Variants in PSD3 observed in about 807,000 individuals in gnomAD.
The protein encoded by PSD3 is PH and SEC7 domain-containing protein 3.
In PSD3, 49 loss-of-function variants were observed where a neutral mutation model predicts 105.5. The observed-to-expected ratio is 0.46, with a 90% confidence interval of 0.37 to 0.59. The LOEUF (loss-of-function observed/expected upper bound fraction) is 0.59, where lower values mean the gene tolerates loss of function less well. Among genes scored for constraint, PSD3 ranks in the 20% least tolerant of loss-of-function variants. The probability of loss-of-function intolerance (pLI) is 0.00; values close to 1 mark genes in which losing one functional copy is unlikely to be tolerated. For missense variants in PSD3, 1,561 were observed against 1,263.8 expected (o/e 1.24, Z -3.57); for synonymous variants, 557 against 457.8 (o/e 1.22, Z -2.77).
At position 18,528,951 on chromosome 8, in the gene PSD3, G is replaced by C. The variant is rs941796494; in HGVS notation, c.*6792C>G. On this transcript the variant is annotated 3_prime_UTR_variant, in exon 16 of 16. Transcript: ENST00000327040. ...TGATGGAAAAGTGCTCAACTGCTCA[G>C]CATGTTCAGTCGGAGCTCTCTTACC... The C allele has an allele frequency of 2.6e-5, 4 of 152,318 alleles. No individual in the cohort carries two copies. The highest frequency in any genetic ancestry group is 4.4e-5 in the Non-Finnish European group (3 of 68,046). The allele number at this position is 152,318 out of a possible 1,614,324, so 9.4% of individuals were successfully genotyped here. A position where few individuals can be genotyped will look rare whatever the true frequency, so the allele number is the denominator to read the frequency against.
At chr8:18,580,705 C>A (rs1431861205) in intron 12 of PSD3, among the ~76,000 whole-genome samples, 1 of 152,096 alleles carries the variant, frequency 6.6e-6, no homozygotes, top group African/African-American at 2.4e-5. Context: ...AGTAAATGTA[C>A]GTTTTAGATA....
At chr8:18,578,734 C>CAAAA (rs67557349) in intron 12 of PSD3, among the ~76,000 whole-genome samples, 13 of 145,510 alleles carry the variant, frequency 8.9e-5, no homozygotes, top group African/African-American at 2.8e-4. Flanking sequence ...CTTAAAAATG[C>CAAAA]AAAAAAAAAA....
At chr8:18,659,696 G>A (rs1377936765) in intron 9 of PSD3, among the ~76,000 whole-genome samples, 1 of 152,180 alleles carries the variant, frequency 6.6e-6, no homozygotes, top group East Asian at 1.9e-4. Context: ...GCTTTAAAGA[G>A]CCACCGTTGC....
At chr8:18,656,763 C>T (rs1330190549) in intron 9 of PSD3, among the ~76,000 whole-genome samples, 1 of 152,006 alleles carries the variant, frequency 6.6e-6, no homozygotes, top group Non-Finnish European at 1.5e-5. Flanking sequence ...GGCTGCAGTG[C>T]AGCGACTATT....
chr8:18,701,599 C>T (rs368853500), intron 9 of PSD3, among the ~76,000 whole-genome samples: 1 of 152,246 alleles, frequency 6.6e-6, no homozygotes, highest in African/African-American at 2.4e-5. Context: ...GTGAAGTCTT[C>T]CATTGTTGAA....
At chr8:18,649,777 G>C (rs1808335231) in intron 10 of PSD3, among the ~76,000 whole-genome samples, 1 of 152,176 alleles carries the variant, frequency 6.6e-6, no homozygotes, top group Non-Finnish European at 1.5e-5. Flanking sequence ...CCCCTTTGGT[G>C]CTGTTCTCAT....
At chr8:18,844,705 A>C (rs1814936188) in intron 4 of PSD3, among the ~76,000 whole-genome samples, 1 of 152,242 alleles carries the variant, frequency 6.6e-6, no homozygotes, top group Non-Finnish European at 1.5e-5. Context: ...AAATAAGATT[A>C]TTAGAAAAGT....
At chr8:19,051,211 C>A (rs866685796) in intron 1 of PSD3, among the ~76,000 whole-genome samples, 1 of 152,124 alleles carries the variant, frequency 6.6e-6, no homozygotes, top group Non-Finnish European at 1.5e-5. Flanking sequence ...TGGTCCCAAT[C>A]GGGGGATGCT....
chr8:18,626,831 G>GA (rs1262773948), intron 11 of PSD3, among the ~76,000 whole-genome samples: 6 of 152,104 alleles, frequency 3.9e-5, no homozygotes, highest in Admixed American at 1.3e-4. Context: ...GATTAGACGG[G>GA]AAGGAAACGA....
intron 1 of PSD3, among the ~76,000 whole-genome samples, chr8:18,952,994 T>G (rs936008445): frequency 6.6e-6 from 1 of 152,136 alleles, no homozygotes; most frequent in Non-Finnish European, 1.5e-5. Flanking sequence ...GCAACATATA[T>G]TTAAATATCT....
intron 6 of PSD3, among the ~76,000 whole-genome samples, chr8:18,803,783 A>G (rs1810948400): frequency 6.6e-6 from 1 of 150,436 alleles, no homozygotes; most frequent in Non-Finnish European, 1.5e-5. Context: ...AAGGAGGGGA[A>G]GGAAAAAAAA....
chr8:18,816,370 G>A (rs1812224673), intron 4 of PSD3, among the ~76,000 whole-genome samples: 1 of 152,192 alleles, frequency 6.6e-6, no homozygotes, highest in Non-Finnish European at 1.5e-5. Flanking sequence ...CCAGCAGGAG[G>A]TAAAGCTGGG....
intron 1 of PSD3, among the ~76,000 whole-genome samples, chr8:19,034,311 G>A (rs1827874137): frequency 6.6e-6 from 1 of 152,118 alleles, no homozygotes; most frequent in Admixed American, 6.6e-5. Flanking sequence ...AAAGGTTAAA[G>A]GATTAAACTA....
intron 9 of PSD3, among the ~76,000 whole-genome samples, chr8:18,702,796 T>C (rs1801666773): frequency 6.6e-6 from 1 of 151,944 alleles, no homozygotes; most frequent in African/African-American, 2.4e-5. Context: ...GCATTTTTAG[T>C]AGAGACAGGG....
chr8:18,592,576 G>T (rs1399263636), intron 12 of PSD3, among the ~76,000 whole-genome samples: 1 of 152,078 alleles, frequency 6.6e-6, no homozygotes, highest in Non-Finnish European at 1.5e-5. Flanking sequence ...AAAAGTCAAA[G>T]AAAAACAGAG....
intron 2 of PSD3, among the ~76,000 whole-genome samples, chr8:18,916,167 C>T (rs760310068): frequency 1.1e-4 from 17 of 151,274 alleles, no homozygotes; most frequent in Non-Finnish European, 2.4e-4. Context: ...GTGTATTTAG[C>T]CAAAGGAAAT....
intron 9 of PSD3, chr8:18,762,921 C>T: frequency 1.6e-6 from 2 of 1,279,106 alleles, no homozygotes; most frequent in Non-Finnish European, 2.0e-6. Context: ...CATGGAATAA[C>T]TGTTTATTTT....
chr8:19,065,632 G>A (rs1829050665), intron 1 of PSD3, among the ~76,000 whole-genome samples: 1 of 152,212 alleles, frequency 6.6e-6, no homozygotes, highest in Admixed American at 6.5e-5. Context: ...TACATAGGAA[G>A]AGATGCGCAG....
chr8:18,784,473 C>T (rs566323207), intron 8 of PSD3, among the ~76,000 whole-genome samples: 1 of 152,136 alleles, frequency 6.6e-6, no homozygotes, highest in African/African-American at 2.4e-5. Flanking sequence ...TATGTATCTG[C>T]TGATTTCATG....
Sources: gnomAD v4.1 joint callset for allele counts (sites outside exome capture counted in the v4.1 genomes callset) on GRCh38, gnomAD v4.1.1 for gene constraint, MANE v1.5 for transcripts, NCBI Gene and HGNC (gene_info 2026-07-23, HGNC 2026-07-21) for gene names.